The following SHOC2 variants were observed in gnomAD, a reference collection of about 807,000 sequenced individuals.
The protein encoded by SHOC2 is SHOC2 leucine rich repeat scaffold protein.
A neutral mutation model predicts 50.2 loss-of-function variants in SHOC2; 4 were observed. That is an observed-to-expected ratio of 0.08 (90% confidence interval 0.04 to 0.18). The LOEUF is 0.18. SHOC2 is among the 10% of genes least tolerant of loss of function. The pLI is 1.00. For missense variants in SHOC2, 388 were observed against 669.6 expected, an observed-to-expected ratio of 0.58 and a Z score of 4.64; for synonymous variants, 218 against 244.5, an observed-to-expected ratio of 0.89 and a Z score of 1.01.
Position 110,996,368 on chromosome 10 carries a change from A to G in SHOC2, c.842-4047A>G, listed in dbSNP as rs141663495. 4.8e-3 allele frequency among the ~76,000 whole-genome samples: 724 copies of G among 152,176 alleles called. 6 individuals carry two copies. The highest frequency in any genetic ancestry group is 0.017 in the African/African-American group (686 of 41,516). On this transcript the variant is annotated intron_variant, in intron 3 of 8. Coordinates refer to ENST00000369452, the MANE Select transcript of SHOC2 (RefSeq NM_007373.4). ...CATGGCGAAACTCTATCTCTACAAA[A>G]ATACAAAAATTAGCTGGGTGTGGTG...
chr10:110,926,733 G>T (rs996336783), intron 1 of SHOC2, among the ~76,000 whole-genome samples: 10 of 152,208 alleles, frequency 6.6e-5, no homozygotes, highest in African/African-American at 2.2e-4. Flanking sequence ...AGTAAATTTT[G>T]TTAATAACCT....
chr10:110,923,060 TCTG>T, intron 1 of SHOC2, among the ~76,000 whole-genome samples: 1 of 152,228 alleles, frequency 6.6e-6, no homozygotes, highest in Non-Finnish European at 1.5e-5. Flanking sequence ...ACATATATCA[TCTG>T]CTATCCTTGT....
intron 1 of SHOC2, among the ~76,000 whole-genome samples, chr10:110,939,600 A>G (rs1456841342): frequency 6.6e-6 from 1 of 152,208 alleles, no homozygotes; most frequent in Non-Finnish European, 1.5e-5. Context: ...GATTGATGTT[A>G]GATTATGACG....
intron 3 of SHOC2, among the ~76,000 whole-genome samples, chr10:110,986,577 G>A (rs893379698): frequency 1.3e-5 from 2 of 151,926 alleles, no homozygotes; most frequent in South Asian, 2.1e-4. Context: ...GGGTTCATGC[G>A]ATTCTCCTGC....
Position 111,010,957 on chromosome 10 carries a change from C to T in SHOC2, c.1541-653C>T, listed in dbSNP as rs370486167. On this transcript the variant is annotated intron_variant, in intron 8 of 8. Transcript: ENST00000369452. ...AATTTTGAAATTTAAAAATTGGAAA[C>T]ACATGAGGCAAATTTACACCTATAT... 3.2e-3 allele frequency among the ~76,000 whole-genome samples: 483 copies of T among 152,202 alleles called. 26 individuals carry two copies. In the South Asian group the frequency reaches 0.092, roughly 29 times the overall value.
intron 1 of SHOC2, among the ~76,000 whole-genome samples, chr10:110,947,899 A>T (rs927019670): frequency 2.0e-5 from 3 of 152,178 alleles, no homozygotes; most frequent in African/African-American, 7.2e-5. Context: ...TTTAATGTAA[A>T]TGGATTAAGT....
intron 3 of SHOC2, among the ~76,000 whole-genome samples, chr10:110,992,673 C>T (rs368435612): frequency 1.4e-4 from 21 of 152,164 alleles, no homozygotes; most frequent in African/African-American, 5.1e-4. Context: ...ATGGTTATAT[C>T]AACAAGTAGC....
In SHOC2 at chr10:111,011,696, C is replaced by A. The variant is rs1446237590; in HGVS notation, c.1627C>A (p.Leu543Ile). The A allele has an allele frequency of 6.2e-7, 1 of 1,613,840 alleles. No individual in the cohort carries two copies. Among genetic ancestry groups the A allele is most frequent in the Non-Finnish European group, 8.5e-7 (1 of 1,179,896 alleles). ...CTTTGAGCTGGCACTCTGCAGCAAG[C>A]TTTCAATCATGAGTATTGAGAACTG... is the stretch of plus-strand genomic sequence containing the variant. ...LPFELALCSK[L>I]SIMSIENCPL... is the part of the protein sequence containing the mutation. Residue 543 changes from leucine (L) to isoleucine (I), a missense_variant, in exon 9 of 9, where the codon CTT becomes ATT. Transcript: ENST00000369452.
chr10:110,962,883 CCTGAGGATTTAATA>C (rs1564713974), intron 1 of SHOC2, among the ~76,000 whole-genome samples: 3 of 152,118 alleles, frequency 2.0e-5, no homozygotes, highest in African/African-American at 7.2e-5. Flanking sequence ...ATGCCACTTG[CCTGAGGATTTAATA>C]ATATGCTGTC....
At chr10:110,922,297 G>T (rs530955816) in intron 1 of SHOC2, among the ~76,000 whole-genome samples, 12 of 152,202 alleles carry the variant, frequency 7.9e-5, no homozygotes, top group Admixed American at 5.2e-4. Flanking sequence ...TATAGTTATT[G>T]CTTTGGCTTA....
At chr10:111,004,192 C>T (rs1223167035) in intron 4 of SHOC2, among the ~76,000 whole-genome samples, 1 of 152,172 alleles carries the variant, frequency 6.6e-6, no homozygotes, top group African/African-American at 2.4e-5. Context: ...ATTGGTCACA[C>T]AGCCAGTGGC....
intron 1 of SHOC2, among the ~76,000 whole-genome samples, chr10:110,952,613 G>T (rs114425353): frequency 0.044 from 6,677 of 151,920 alleles, 188 homozygotes; most frequent in East Asian, 0.1. Context: ...TTGTTACATG[G>T]GTATACATGT....
Position 110,964,441 on chromosome 10 carries a change from C to T in SHOC2, c.83C>T (p.Ala28Val). ...TCAGCCAAGGAAAGAGAAAAGGAGG[C>T]AAAAGCCTCTGGAGGTTTTGGGAAA... The part of the protein sequence containing the change: ...VPSAKEREKE[A>V]KASGGFGKES... Residue 28 changes from alanine (A) to valine (V), a missense_variant, in exon 2 of 9, where the codon GCA becomes GTA. Ala to Val is a moderately conservative substitution (Grantham distance 64). Transcript: ENST00000369452. The surrounding 1 kb of genome is among the most constrained non-coding windows in gnomAD (Gnocchi z 4.9). 5 of 1,613,514 alleles carry T rather than the reference C, an allele frequency of 3.1e-6. No homozygotes were observed. The highest frequency in any genetic ancestry group is 1.1e-5 in the South Asian group (1 of 90,966).
At chr10:110,927,793 T>C (rs1057450334) in intron 1 of SHOC2, among the ~76,000 whole-genome samples, 1 of 152,202 alleles carries the variant, frequency 6.6e-6, no homozygotes, top group Non-Finnish European at 1.5e-5. Flanking sequence ...TCAGATATAA[T>C]GATGGTTAGT....
In SHOC2 at chr10:111,007,537, C is replaced by A; in HGVS notation, c.1168C>A (p.Gln390Lys). The change falls in exon 6 of 9, where the codon CAG becomes AAG. Residue 390 changes from glutamine to lysine, a missense_variant. Gln to Lys is a moderately conservative substitution (Grantham distance 53). Around this residue, in one of 5 missense-constraint regions of SHOC2, gnomAD observed 48 missense variants for 151.6 expected, o/e 0.32. Transcript: ENST00000369452. ...TTCTTTTTGTCTTTGCCAGGACAAT[C>A]AGTTAACATCACTTCCCTTGGATTT... ...VLSKLNMKDNQLTSLPLDFGT... is the reference protein window; with the variant it reads ...VLSKLNMKDNKLTSLPLDFGT... 6.2e-7 allele frequency: 1 copy of A among 1,613,574 alleles called. No individual in the cohort carries two copies. Among genetic ancestry groups the A allele is most frequent in the South Asian group, 1.1e-5 (1 of 91,064 alleles).
chr10:110,988,862 G>A, intron 3 of SHOC2: 1 of 457,366 alleles, frequency 2.2e-6, no homozygotes, highest in Non-Finnish European at 4.4e-6. Context: ...ATTCTGATAT[G>A]TTGTATTTTC....
Position 110,951,389 on chromosome 10 carries a change from G to A in SHOC2, c.-234-12736G>A, listed in dbSNP as rs114128300. ...TTATCCAAAAGACGATAATAAGACT[G>A]TAAGTGTTGGTGGGGATATAGAGAG... On this transcript the variant is annotated intron_variant, in intron 1 of 8. Transcript: ENST00000369452. Among the ~76,000 whole-genome samples the A allele has an allele frequency of 4.7e-3, 717 of 152,244 alleles. 10 individuals carry two copies. The highest frequency in any genetic ancestry group is 0.017 in the African/African-American group (689 of 41,544).
chr10:110,975,930 G>A (rs1847870449), intron 2 of SHOC2, among the ~76,000 whole-genome samples: 1 of 150,454 alleles, frequency 6.6e-6, no homozygotes, highest in Non-Finnish European at 1.5e-5. Context: ...TTTTTTGTGA[G>A]ATGGAGTTTT....
At chr10:110,929,952 TATAAG>T (rs1268879203) in intron 1 of SHOC2, among the ~76,000 whole-genome samples, 3 of 152,210 alleles carry the variant, frequency 2.0e-5, no homozygotes, top group Non-Finnish European at 4.4e-5. Flanking sequence ...TATTAAAACA[TATAAG>T]AGCTGCCTTT....
Sources: gnomAD v4.1 joint callset for allele counts (sites outside exome capture counted in the v4.1 genomes callset) on GRCh38, gnomAD v4.1.1 for gene constraint, gnomAD v4.1.1 regional missense constraint, Gnocchi (gnomAD v3.1) non-coding constraint, MANE v1.5 for transcripts, NCBI Gene and HGNC (gene_info 2026-07-23, HGNC 2026-07-21) for gene names.